Variants in PCDHA5 observed in about 807,000 individuals in gnomAD.
PCDHA5 encodes protocadherin alpha-5.
A neutral mutation model predicts 61.6 loss-of-function variants in PCDHA5; 43 were observed. The ratio of observed to expected loss-of-function variants is 0.70; its 90% confidence interval spans 0.55 to 0.90. The LOEUF (loss-of-function observed/expected upper bound fraction) is 0.90, where lower values mean the gene tolerates loss of function less well. PCDHA5 is among the 40% of genes least tolerant of loss of function. PCDHA5 has a pLI of 0.00. For missense variants in PCDHA5, 1,298 were observed against 1,222.7 expected, an observed-to-expected ratio of 1.06 and a Z score of -0.92; for synonymous variants, 627 against 543.9, an observed-to-expected ratio of 1.15 and a Z score of -2.13.
At chr5:140,885,917 T>G (rs2060772831) in intron 1 of PCDHA5, among the ~76,000 whole-genome samples, 1 of 152,212 alleles carries the variant, frequency 6.6e-6, no homozygotes, top group Non-Finnish European at 1.5e-5. Flanking sequence ...TTATAGATAT[T>G]AACTGTTTAT....
chr5:140,997,834 C>T (rs1385482729), intron 3 of PCDHA5, among the ~76,000 whole-genome samples: 2 of 152,106 alleles, frequency 1.3e-5, no homozygotes, highest in Non-Finnish European at 2.9e-5. Context: ...CTAAACAATA[C>T]AATATACATT....
chr5:140,871,473 A>G, intron 1 of PCDHA5: 2 of 1,600,218 alleles, frequency 1.2e-6, no homozygotes, highest in African/African-American at 1.3e-5. Flanking sequence ...GACAGGAGCC[A>G]GGGTCAAATC....
chr5:140,902,599 G>T (rs981296505), intron 1 of PCDHA5, among the ~76,000 whole-genome samples: 3 of 152,024 alleles, frequency 2.0e-5, no homozygotes, highest in African/African-American at 7.2e-5. Flanking sequence ...GAAACAGGTC[G>T]TTTTCAGTTA....
intron 1 of PCDHA5, among the ~76,000 whole-genome samples, chr5:140,950,449 T>G (rs1377637881): frequency 4.6e-5 from 7 of 152,088 alleles, no homozygotes; most frequent in African/African-American, 1.7e-4. Flanking sequence ...GTTATTCTAC[T>G]GTCTTCTAAT....
chr5:140,870,167 C>A, intron 1 of PCDHA5: 1 of 1,614,134 alleles, frequency 6.2e-7, no homozygotes, highest in East Asian at 2.2e-5. Context: ...ACTTCCTTGT[C>A]CCTCCCAGTA....
intron 1 of PCDHA5, among the ~76,000 whole-genome samples, chr5:140,933,676 A>AT (rs1400784175): frequency 6.6e-6 from 1 of 151,552 alleles, no homozygotes; most frequent in Non-Finnish European, 1.5e-5. Context: ...TCTCTCTCAC[A>AT]TTTTTTTTCC....
chr5:140,949,714 T>A (rs2094416715), intron 1 of PCDHA5, among the ~76,000 whole-genome samples: 1 of 151,848 alleles, frequency 6.6e-6, no homozygotes, highest in South Asian at 2.1e-4. Flanking sequence ...TTTTACCCAT[T>A]TTGATAATAT....
At chr5:140,923,104 A>AT (rs2081172107) in intron 1 of PCDHA5, among the ~76,000 whole-genome samples, 1 of 152,194 alleles carries the variant, frequency 6.6e-6, no homozygotes, top group Admixed American at 6.5e-5. Context: ...TGGGAGTATG[A>AT]TTTTAAGTTT....
intron 1 of PCDHA5, among the ~76,000 whole-genome samples, chr5:140,955,186 G>A (rs246020): frequency 0.56 from 85,667 of 151,968 alleles, 24,773 homozygotes; most frequent in African/African-American, 0.69. Flanking sequence ...GTTTTGTGGT[G>A]TATATGAAGT....
At chr5:140,837,994 CT>C (rs2150281652) in intron 1 of PCDHA5, among the ~76,000 whole-genome samples, 1 of 150,612 alleles carries the variant, frequency 6.6e-6, no homozygotes, top group Non-Finnish European at 1.5e-5. Flanking sequence ...TTCATCTTTC[CT>C]TTTTTTTAAA....
At chr5:140,969,908 T>C (rs1586401643) in intron 1 of PCDHA5, among the ~76,000 whole-genome samples, 4 of 152,184 alleles carry the variant, frequency 2.6e-5, no homozygotes, top group Non-Finnish European at 4.4e-5. Context: ...ATGTCACAAG[T>C]GATAAAGCTG....
intron 1 of PCDHA5, among the ~76,000 whole-genome samples, chr5:140,872,606 A>AT (rs1302987061): frequency 6.6e-6 from 1 of 151,888 alleles, no homozygotes; most frequent in Non-Finnish European, 1.5e-5. Context: ...TGAAAAAATA[A>AT]TTTTTTTTGC....
At chr5:140,951,373 C>T (rs1554219872) in intron 1 of PCDHA5, among the ~76,000 whole-genome samples, 1 of 151,996 alleles carries the variant, frequency 6.6e-6, no homozygotes, top group Non-Finnish European at 1.5e-5. Context: ...AAAGAAACAC[C>T]CAAGACTCGG....
intron 1 of PCDHA5, chr5:140,853,345 C>G: frequency 4.1e-6 from 4 of 982,282 alleles, no homozygotes; most frequent in Middle Eastern, 5.3e-4. Flanking sequence ...CATTAGCAAA[C>G]ATGAACTCAC....
chr5:140,845,410 G>A (rs1316753115), intron 1 of PCDHA5, among the ~76,000 whole-genome samples: 3 of 149,216 alleles, frequency 2.0e-5, no homozygotes, highest in South Asian at 4.2e-4. Context: ...ATTGTATTTG[G>A]CAATTTATCA....
At chr5:140,981,630 A>G (rs1299640748) in intron 2 of PCDHA5, among the ~76,000 whole-genome samples, 1 of 152,110 alleles carries the variant, frequency 6.6e-6, no homozygotes, top group East Asian at 1.9e-4. Flanking sequence ...GTTTTCTTGG[A>G]CATTTTCTCT....
At position 140,854,083 on chromosome 5, in the gene PCDHA5, G is replaced by T. The variant is rs545797216; in HGVS notation, c.2352+29956G>T. 8.5e-5 allele frequency: 23 copies of T among 269,910 alleles called. No individual in the cohort carries two copies. The East Asian group carries it at 3.2e-3, about 37-fold the overall frequency. The allele number at this position is 269,910 out of a possible 1,614,324, so 16.7% of individuals were successfully genotyped here. ...AGGCTGAGGCGAGAGAATCGCTTGA[G>T]CCTGGGACATTGAGGCTGCAGTGAA... On this transcript the variant is annotated intron_variant, in intron 1 of 3. Transcript: ENST00000529859.
Position 140,885,793 on chromosome 5 carries a change from A to G in PCDHA5, c.2352+61666A>G, listed in dbSNP as rs541928241. On this transcript the variant is annotated intron_variant, in intron 1 of 3. Coordinates refer to ENST00000529859, the MANE Select transcript of PCDHA5 (RefSeq NM_018908.3). ...TATTAGTGAATTTGAGCATATTGTCATATGTATTTTGTTGATTTGTATTTG... is the reference window on the plus strand; with the variant it reads ...TATTAGTGAATTTGAGCATATTGTCGTATGTATTTTGTTGATTTGTATTTG... Among the ~76,000 whole-genome samples the G allele has an allele frequency of 2.0e-5, 3 of 152,162 alleles. No homozygotes were observed. The South Asian group carries it at 6.2e-4, about 32-fold the overall frequency.
intron 1 of PCDHA5, among the ~76,000 whole-genome samples, chr5:140,949,990 C>T (rs2094438709): frequency 6.6e-6 from 1 of 151,832 alleles, no homozygotes; most frequent in Non-Finnish European, 1.5e-5. Context: ...TAACTTTTCT[C>T]AGTCCACTTA....
Sources: allele counts gnomAD v4.1 joint callset (sites outside exome capture counted in the v4.1 genomes callset), GRCh38; gene constraint gnomAD v4.1.1; transcripts MANE v1.5; gene names NCBI Gene and HGNC (gene_info 2026-07-23, HGNC 2026-07-21).